The following ZNF512B variants were observed in gnomAD, a reference collection of about 807,000 sequenced individuals.
The protein encoded by ZNF512B is zinc finger protein 512B.
Under a neutral mutation model 87.8 loss-of-function variants are expected in ZNF512B, and 22 were observed. That is an observed-to-expected ratio of 0.25 (90% CI 0.18 to 0.36). ZNF512B has a LOEUF of 0.36. ZNF512B is among the 10% of genes least tolerant of loss of function. The pLI is 1.00. For synonymous variants in ZNF512B, 524 were observed against 490.9 expected, an observed-to-expected ratio of 1.07 and a Z score of -0.89; for missense variants, 1,060 against 1,231.6, an observed-to-expected ratio of 0.86 and a Z score of 2.09.
chr20:63,960,403 G>C (rs2058837322), intron 16 of ZNF512B, among the ~76,000 whole-genome samples: 1 of 149,402 alleles, frequency 6.7e-6, no homozygotes, highest in Non-Finnish European at 1.5e-5. Context: ...CAGCCTTCGG[G>C]ACCAGGCAAG....
chr20:63,962,525 G>A (rs371208029), intron 13 of ZNF512B, 62 bp downstream of exon 13: 5 of 1,564,164 alleles, frequency 3.2e-6, no homozygotes, highest in African/African-American at 2.7e-5. Flanking sequence ...CAAGTCTCAG[G>A]CCAAGGCATG....
At chr20:63,964,413 G>A in intron 6 of ZNF512B, 22 bp from the exon 7 acceptor site, 1 of 1,613,812 alleles carries the variant, frequency 6.2e-7, no homozygotes, top group Non-Finnish European at 8.5e-7. Context: ...AGAGAAAACG[G>A]GGGCCAAGAT....
At chr20:63,963,293 G>A in intron 11 of ZNF512B, 28 bp from the exon 12 acceptor site, 1 of 1,537,930 alleles carries the variant, frequency 6.5e-7, no homozygotes, top group Non-Finnish European at 8.7e-7. Flanking sequence ...GGGTGGGTGA[G>A]TGGCCAGCAG....
chr20:63,961,028 C>T lies in ZNF512B; in HGVS notation c.2427+281G>A, dbSNP rs2058845312. Among the ~76,000 whole-genome samples the T allele has an allele frequency of 6.6e-6, 1 of 152,092 alleles. No homozygotes were observed. The highest frequency in any genetic ancestry group is 2.1e-4 in the South Asian group (1 of 4,822). Reference sequence around the variant, plus strand: ...CAAGCACCTGCAGCAGGGCTGGACACAGCCTTCGGGACCAGGCAAGCACCT... The same window carrying T: ...CAAGCACCTGCAGCAGGGCTGGACATAGCCTTCGGGACCAGGCAAGCACCT... On this transcript the variant is annotated intron_variant, in intron 16 of 16. Transcript: ENST00000369888. This position sits in a 1 kb window ranked among gnomAD's most constrained non-coding sequence, Gnocchi z 6.4.
At chr20:63,967,644 G>T (rs929153702) in intron 2 of ZNF512B, 121 bp from the exon 3 acceptor site, 9 of 1,482,872 alleles carry the variant, frequency 6.1e-6, no homozygotes, top group African/African-American at 1.4e-5. Flanking sequence ...AGGGGCTGCG[G>T]CCAGCTGAGG....
intron 10 of ZNF512B, 56 bp from the exon 11 acceptor site, chr20:63,963,496 G>GGCCCC (rs1390581782): frequency 5.8e-6 from 9 of 1,551,500 alleles, no homozygotes; most frequent in South Asian, 4.6e-5. Flanking sequence ...GCCCTGCCCT[G>GGCCCC]GCCCCGCCCC....
rs1416625493 is a variant in ZNF512B, at chr20:63,969,907, C to T, written c.-96G>A. Reference sequence around the variant, plus strand: ...CTGGGTCCGGGCGGCGCAGGCTGCGCGCCGCGCTGCGCACATGCGCGCTCC... The same window carrying T: ...CTGGGTCCGGGCGGCGCAGGCTGCGTGCCGCGCTGCGCACATGCGCGCTCC... On this transcript the variant is annotated 5_prime_UTR_variant, in exon 1 of 17. Coordinates refer to ENST00000369888, the MANE Select transcript of ZNF512B (RefSeq NM_020713.3). 1 of 147,176 alleles carries T rather than the reference C, an allele frequency of 6.8e-6. No individual in the cohort carries two copies. Among genetic ancestry groups the T allele is most frequent in the Non-Finnish European group, 1.5e-5 (1 of 66,162 alleles). The allele number at this position is 147,176 out of a possible 1,614,324, so 9.1% of individuals were successfully genotyped here.
In ZNF512B at chr20:63,959,903, C is replaced by T. The variant is rs201088157; in HGVS notation, c.2664G>A (p.Lys888=). 2.6e-4 allele frequency: 421 copies of T among 1,593,988 alleles called. 5 individuals are homozygous for T. The East Asian group carries it at 8.1e-3, about 31-fold the overall frequency. Residue 888 remains lysine, a synonymous_variant, in exon 17 of 17, where the codon AAG becomes AAA. Transcript: ENST00000369888. The part of the protein sequence containing the change: ...GSTGRKVGVS[K]APEK Reference sequence around the variant, plus strand: ...CGCACCATGCTCACTTTTCAGGCGCCTTGCTGACTCCCACCTTCCGGCCGG... The same window carrying T: ...CGCACCATGCTCACTTTTCAGGCGCTTTGCTGACTCCCACCTTCCGGCCGG...
At chr20:63,962,829 A>G in intron 12 of ZNF512B, 48 bp from the exon 13 acceptor site, 1 of 1,526,322 alleles carries the variant, frequency 6.6e-7, no homozygotes, top group East Asian at 2.3e-5. Flanking sequence ...CGGGAGCAAG[A>G]GTCAGGTCAG....
At position 63,959,826 on chromosome 20, in the gene ZNF512B, G is replaced by A. The variant is rs1001348754; in HGVS notation, c.*62C>T. 42 of 1,508,286 alleles carry A rather than the reference G, an allele frequency of 2.8e-5. No individual in the cohort carries two copies. Among genetic ancestry groups the A allele is most frequent in the Non-Finnish European group, 3.4e-5 (39 of 1,138,988 alleles). The allele number at this position is 1,508,286 out of a possible 1,614,324, so 93.4% of individuals were successfully genotyped here. On this transcript the variant is annotated 3_prime_UTR_variant, in exon 17 of 17. Transcript: ENST00000369888. ...CTGGAGGACAGAGGTCCCGGAGCTG[G>A]CCCTGCCTTGAACAGAGGGCGGTGT...
chr20:63,959,972 G>A lies in ZNF512B; in HGVS notation c.2595C>T (p.Asp865=), dbSNP rs572501968. Residue 865 remains aspartate (D), a synonymous_variant, in exon 17 of 17, where the codon GAC becomes GAT. Coordinates refer to ENST00000369888, the MANE Select transcript of ZNF512B (RefSeq NM_020713.3). ...EPVAKLPPRR[D]DWPPGCRDKG... ...TGTCTCTGCATCCTGGAGGCCAGTC[G>A]TCCCGGCGCGGGGGCAGCTTGGCCA... 1.2e-5 allele frequency: 19 copies of A among 1,612,246 alleles called. No individual in the cohort carries two copies. The highest frequency in any genetic ancestry group is 3.3e-4 in the Middle Eastern group (2 of 6,060).
In ZNF512B at chr20:63,967,517, G is replaced by A. The variant is rs770288716; in HGVS notation, c.128C>T (p.Pro43Leu). 25 of 1,601,148 alleles carry A rather than the reference G, an allele frequency of 1.6e-5. No homozygotes were observed. The highest frequency in any genetic ancestry group is 2.7e-5 in the African/African-American group (2 of 74,538). ...MLHDPPKMGM[P>L]VVRGGQTVPG... ...CACTGTCTGTCCACCACGGACCACC[G>A]GCATCCCTGCAGCACACAACACAGC... Residue 43 changes from proline (P) to leucine (L), a missense_variant, in exon 3 of 17, where the codon CCG (proline) becomes CTG (leucine). Coordinates refer to ENST00000369888, the MANE Select transcript of ZNF512B (RefSeq NM_020713.3).
At chr20:63,960,286 G>A (rs893860642) in intron 16 of ZNF512B, 147 bp from the exon 17 acceptor site, 54 of 1,203,144 alleles carry the variant, frequency 4.5e-5, no homozygotes, top group Non-Finnish European at 5.9e-5. Flanking sequence ...GACCAGGCAG[G>A]CACCTGCAGC....
In ZNF512B at chr20:63,959,980, G is replaced by C; in HGVS notation, c.2587C>G (p.Arg863Gly). Residue 863 changes from arginine (R) to glycine (G), a missense_variant, in exon 17 of 17, where the codon CGC (arginine) becomes GGC (glycine). Physicochemically the swap from Arg to Gly is moderately radical, Grantham distance 125 (BLOSUM62 -2). Transcript: ENST00000369888. ...CATCCTGGAGGCCAGTCGTCCCGGC[G>C]CGGGGGCAGCTTGGCCACAGGCTCC... ...PEEPVAKLPP[R>G]RDDWPPGCRD... is the part of the protein sequence containing the mutation. 5 of 1,612,668 alleles carry C rather than the reference G, an allele frequency of 3.1e-6. No homozygotes were observed. The Admixed American group carries it at 8.3e-5, about 27-fold the overall frequency.
intron 1 of ZNF512B, among the ~76,000 whole-genome samples, 151 bp downstream of exon 1, chr20:63,969,663 C>CGGCGCGG (rs1281287298): frequency 1.7e-5 from 2 of 119,922 alleles, no homozygotes; most frequent in Admixed American, 8.6e-5. Context: ...AAGACGGCGC[C>CGGCGCGG]GGCGCGGGGC....
Position 63,961,834 on chromosome 20 carries a change from G to C in ZNF512B, c.2328+108C>G, listed in dbSNP as rs1347228222. 3.3e-6 allele frequency: 4 copies of C among 1,198,316 alleles called. No individual in the cohort carries two copies. The highest frequency in any genetic ancestry group is 4.8e-6 in the Non-Finnish European group (4 of 839,398). The allele number at this position is 1,198,316 out of a possible 1,614,324, so 74.2% of individuals were successfully genotyped here. On this transcript the variant is annotated intron_variant, in intron 15 of 16. Coordinates refer to ENST00000369888, the MANE Select transcript of ZNF512B (RefSeq NM_020713.3). The surrounding 1 kb of genome is among the most constrained non-coding windows in gnomAD (Gnocchi z 6.4). ...TGGAAGAGGAGGCCACGTAGAAAAAGTAGGGGACAAGGCAGGGTCCCTCAC... is the reference window on the plus strand; with the variant it reads ...TGGAAGAGGAGGCCACGTAGAAAAACTAGGGGACAAGGCAGGGTCCCTCAC...
chr20:63,957,352 C>CA lies in ZNF512B; in HGVS notation c.*2535dup, dbSNP rs1284321325. On this transcript the variant is annotated 3_prime_UTR_variant, in exon 17 of 17. Coordinates refer to ENST00000369888, the MANE Select transcript of ZNF512B (RefSeq NM_020713.3). ...CCTCGGGCAGGGCCGGCGCCCACCA[C>CA]ACTCTGGGGGTCAGCTATGCTGGTC... 2.6e-5 allele frequency: 4 copies of CA among 152,554 alleles called. No individual in the cohort carries two copies. Among genetic ancestry groups the CA allele is most frequent in the Admixed American group, 2.6e-4 (4 of 15,284 alleles). The allele number at this position is 152,554 out of a possible 1,614,324, so 9.5% of individuals were successfully genotyped here. A position where few individuals can be genotyped will look rare whatever the true frequency, so the allele number is the denominator to read the frequency against.
rs1224811028 is a variant in ZNF512B at position 63,963,426 on chromosome 20, C to T, written c.1713G>A (p.Glu571=). The T allele has an allele frequency of 2.1e-5, 33 of 1,548,394 alleles. No individual in the cohort carries two copies. The highest frequency in any genetic ancestry group is 2.3e-5 in the Non-Finnish European group (27 of 1,151,710). The change falls in exon 11 of 17, where the codon GAG becomes GAA. Residue 571 remains glutamate, a synonymous_variant. Transcript: ENST00000369888. ...CCTCCTGCTCGCCCCCTTCGGAGGCCTCGGCGTCAGAGGGCTGGGGACAGG... is the reference window on the plus strand; with the variant it reads ...CCTCCTGCTCGCCCCCTTCGGAGGCTTCGGCGTCAGAGGGCTGGGGACAGG... The part of the protein sequence containing the change: ...AEHSAKPSDA[E]ASEGGEQEER...
chr20:63,964,023 C>G (rs752691094), intron 8 of ZNF512B, 48 bp downstream of exon 8: 1 of 1,594,134 alleles, frequency 6.3e-7, no homozygotes, highest in South Asian at 1.1e-5. Context: ...GCTGTGGGAT[C>G]TACCCGCCGT....
Sources: allele counts gnomAD v4.1 joint callset (sites outside exome capture counted in the v4.1 genomes callset), GRCh38; gene constraint gnomAD v4.1.1; non-coding constraint Gnocchi (gnomAD v3.1); transcripts MANE v1.5; gene names NCBI Gene and HGNC (gene_info 2026-07-23, HGNC 2026-07-21).